The following KCNQ2 variants were observed in gnomAD, a reference collection of about 807,000 sequenced individuals.
The protein encoded by KCNQ2 is potassium voltage-gated channel subfamily KQT member 2.
KCNQ2 carries 14 observed loss-of-function variants against 84.8 expected under a neutral mutation model. The ratio of observed to expected loss-of-function variants is 0.17; its 90% confidence interval spans 0.11 to 0.26. The LOEUF (loss-of-function observed/expected upper bound fraction) is 0.26. KCNQ2 is among the 10% of genes least tolerant of loss of function. KCNQ2 has a pLI of 1.00. For synonymous variants in KCNQ2, 599 were observed against 554.1 expected, an observed-to-expected ratio of 1.08 and a Z score of -1.14; for missense variants, 788 against 1,254.0, an observed-to-expected ratio of 0.63 and a Z score of 5.61.
chr20:63,407,183 T>G lies in KCNQ2; in HGVS notation c.2080A>C (p.Ser694Arg). 1 of 1,605,582 alleles carries G rather than the reference T, an allele frequency of 6.2e-7. No homozygotes were observed. Among genetic ancestry groups the G allele is most frequent in the Non-Finnish European group, 8.5e-7 (1 of 1,178,864 alleles). Reference protein sequence around the residue: ...GCIVKIVRSSSSTGQKNFSAP... With the variant: ...GCIVKIVRSSRSTGQKNFSAP... ...GAGAAGTTCTTCTGGCCCGTGGAGC[T>G]GCTGGAGCGCACGATCTTGACAATG... The change falls in exon 17 of 17, where the codon AGC (serine) becomes CGC (arginine). Residue 694 changes from serine to arginine, a missense_variant. Transcript: ENST00000359125. The surrounding 1 kb of genome is among the most constrained non-coding windows in gnomAD (Gnocchi z 7.2).
intron 4 of KCNQ2, among the ~76,000 whole-genome samples, chr20:63,442,932 T>C (rs62651370): frequency 0.013 from 140 of 10,490 alleles, 1 homozygote; most frequent in African/African-American, 0.036. Context: ...ACCATCACCA[T>C]CACCACCACC....
At chr20:63,436,110 A>G (rs941638967) in intron 7 of KCNQ2, among the ~76,000 whole-genome samples, 4 of 152,158 alleles carry the variant, frequency 2.6e-5, no homozygotes, top group Admixed American at 6.5e-5. Context: ...ATTTGAGAGG[A>G]CTGACTGCGA....
At chr20:63,419,469 A>AG (rs2145586720) in intron 12 of KCNQ2, 150 bp downstream of exon 12, 1 of 727,292 alleles carries the variant, frequency 1.4e-6, no homozygotes, top group East Asian at 2.7e-5. Flanking sequence ...GCTAGAATAG[A>AG]GGGAGCTGAG....
chr20:63,400,497 G>A lies in KCNQ2; in HGVS notation c.*6147C>T. On this transcript the variant is annotated 3_prime_UTR_variant, in exon 17 of 17. Transcript: ENST00000359125. The surrounding 1 kb of genome is among the most constrained non-coding windows in gnomAD (Gnocchi z 8.7). ...ACAAAGTTGAGATTGAAGTGTGCGGGGTAACACATCCACCAAAAAAAGGCC... is the reference window on the plus strand; with the variant it reads ...ACAAAGTTGAGATTGAAGTGTGCGGAGTAACACATCCACCAAAAAAAGGCC... The A allele has an allele frequency of 2.5e-6, 1 of 397,510 alleles. No homozygotes were observed. The highest frequency in any genetic ancestry group is 4.4e-6 in the Non-Finnish European group (1 of 225,878). 24.6% of individuals were successfully genotyped at this position (397,510 alleles called of 1,614,324 possible). A position where few individuals can be genotyped will look rare whatever the true frequency, so the allele number is the denominator to read the frequency against.
chr20:63,415,137 G>A lies in KCNQ2; in HGVS notation c.1302-11C>T, dbSNP rs371007020. 427 of 1,063,474 alleles carry A rather than the reference G, an allele frequency of 4.0e-4. No individual in the cohort carries two copies. Among genetic ancestry groups the A allele is most frequent in the Middle Eastern group, 1.9e-3 (9 of 4,830 alleles). 65.9% of individuals were successfully genotyped at this position (1,063,474 alleles called of 1,614,324 possible). A position where few individuals can be genotyped will look rare whatever the true frequency, so the allele number is the denominator to read the frequency against. ...AAACTGACCTTCTGGCTGCTCCCACGGGAACCGACAGACAGACAGAAAAAC... is the reference window on the plus strand; with the variant it reads ...AAACTGACCTTCTGGCTGCTCCCACAGGAACCGACAGACAGACAGAAAAAC... On this transcript the variant is annotated splice_polypyrimidine_tract_variant and intron_variant, in intron 12 of 16. Coordinates refer to ENST00000359125, the MANE Select transcript of KCNQ2 (RefSeq NM_172107.4).
chr20:63,436,817 C>T (rs1303478861), intron 7 of KCNQ2, among the ~76,000 whole-genome samples: 1 of 119,004 alleles, frequency 8.4e-6, no homozygotes, highest in Non-Finnish European at 1.6e-5. Context: ...CGGGCTGTTT[C>T]CCAGGCTGGA....
Position 63,419,339 on chromosome 20 carries a change from C to G in KCNQ2, c.1301+280G>C. Among the ~76,000 whole-genome samples, 5 of 152,350 alleles carry G rather than the reference C, an allele frequency of 3.3e-5. No homozygotes were observed. In the Middle Eastern group the frequency reaches 0.014, roughly 415 times the overall value. On this transcript the variant is annotated intron_variant, in intron 12 of 16. Transcript: ENST00000359125. ...GAGCAGTCGGGGACCCCAGGAGGCA[C>G]GGACGCCTTGCTGGGTTCAGAGCCC...
At position 63,472,592 on chromosome 20, in the gene KCNQ2, T is replaced by A; in HGVS notation, c.-129A>T. On this transcript the variant is annotated 5_prime_UTR_variant, in exon 1 of 17. Coordinates refer to ENST00000359125, the MANE Select transcript of KCNQ2 (RefSeq NM_172107.4). The stretch of plus-strand genomic sequence containing the variant: ...GGCCGAGGCGGCGGTTCCGCACTCC[T>A]GCCGGGCTTGGGCCGCGCGCGGAGA... The A allele has an allele frequency of 1.3e-6, 1 of 778,330 alleles. No homozygotes were observed. Among genetic ancestry groups the A allele is most frequent in the Non-Finnish European group, 1.6e-6 (1 of 606,212 alleles). The allele number at this position is 778,330 out of a possible 1,614,324, so 48.2% of individuals were successfully genotyped here.
chr20:63,406,451 T>G lies in KCNQ2; in HGVS notation c.*193A>C. On this transcript the variant is annotated 3_prime_UTR_variant, in exon 17 of 17. Transcript: ENST00000359125. ...GCCCTGCCCAGCCCTCCAGCCCCTGTTGGAAAATAACTTTTGTAAAAGGTC... is the reference window on the plus strand; with the variant it reads ...GCCCTGCCCAGCCCTCCAGCCCCTGGTGGAAAATAACTTTTGTAAAAGGTC... The G allele has an allele frequency of 1.5e-6, 1 of 688,236 alleles. No homozygotes were observed. The highest frequency in any genetic ancestry group is 2.0e-5 in the South Asian group (1 of 50,350). The allele number at this position is 688,236 out of a possible 1,614,324, so 42.6% of individuals were successfully genotyped here. A position where few individuals can be genotyped will look rare whatever the true frequency, so the allele number is the denominator to read the frequency against.
intron 4 of KCNQ2, among the ~76,000 whole-genome samples, 200 bp from the exon 5 acceptor site, chr20:63,442,731 C>CCAT (rs2081219305): frequency 7.8e-5 from 3 of 38,626 alleles, no homozygotes; most frequent in Admixed American, 2.5e-4. Context: ...ACCATCATCA[C>CCAT]CACCTCCACC....
At chr20:63,418,377 T>C (rs1255809309) in intron 12 of KCNQ2, among the ~76,000 whole-genome samples, 2 of 152,060 alleles carry the variant, frequency 1.3e-5, no homozygotes, top group Admixed American at 6.5e-5. Context: ...AATGGTGAAA[T>C]TCAGATGTGC....
In KCNQ2 at chr20:63,460,001, G is replaced by A. The variant is rs1440877560; in HGVS notation, c.296+12167C>T. The A allele has an allele frequency of 6.6e-6, 1 of 152,236 alleles. No individual in the cohort carries two copies. Among genetic ancestry groups the A allele is most frequent in the Non-Finnish European group, 1.5e-5 (1 of 68,050 alleles). 9.4% of individuals were successfully genotyped at this position (152,236 alleles called of 1,614,324 possible). ...GTGGACAGGTGCGTTTACACTACAG[G>A]AAGCAGACGGCACCCGGGGACCTTG... is the stretch of plus-strand genomic sequence containing the variant. On this transcript the variant is annotated intron_variant, in intron 1 of 16. Transcript: ENST00000359125. This position sits in a 1 kb window ranked among gnomAD's most constrained non-coding sequence, Gnocchi z 5.4.
At chr20:63,470,638 G>A (rs1399189264) in intron 1 of KCNQ2, among the ~76,000 whole-genome samples, 4 of 152,212 alleles carry the variant, frequency 2.6e-5, no homozygotes, top group South Asian at 2.1e-4. Context: ...GACGCAGAGC[G>A]GGGCGCTGGC....
chr20:63,432,819 T>G (rs11696902), intron 8 of KCNQ2, among the ~76,000 whole-genome samples: 1 of 66,564 alleles, frequency 1.5e-5, no homozygotes. Flanking sequence ...CAGGGAAGGC[T>G]CCACCCTCTG....
intron 8 of KCNQ2, among the ~76,000 whole-genome samples, chr20:63,432,017 C>T: frequency 6.7e-6 from 1 of 149,020 alleles, no homozygotes; most frequent in South Asian, 2.1e-4. Context: ...GCCCCATCCA[C>T]AGGGAAGGCT....
Position 63,401,838 on chromosome 20 carries a change from C to T in KCNQ2, c.*4806G>A. 5.0e-6 allele frequency: 1 copy of T among 198,360 alleles called. No homozygotes were observed. Among genetic ancestry groups the T allele is most frequent in the Non-Finnish European group, 1.1e-5 (1 of 95,136 alleles). 12.3% of individuals were successfully genotyped at this position (198,360 alleles called of 1,614,324 possible). A position where few individuals can be genotyped will look rare whatever the true frequency, so the allele number is the denominator to read the frequency against. On this transcript the variant is annotated 3_prime_UTR_variant, in exon 17 of 17. Coordinates refer to ENST00000359125, the MANE Select transcript of KCNQ2 (RefSeq NM_172107.4). ...TCCCTCTCACACCACGTCTGCTGGG[C>T]ACCCTCCATGGCAGGTCCAAGCCTT...
At chr20:63,455,588 T>A (rs1337712856) in intron 1 of KCNQ2, among the ~76,000 whole-genome samples, 1 of 152,110 alleles carries the variant, frequency 6.6e-6, no homozygotes, top group Non-Finnish European at 1.5e-5. Flanking sequence ...AGAGGAGAAG[T>A]TGGGGCAGGG....
chr20:63,456,940 A>G (rs1165483575), intron 1 of KCNQ2, among the ~76,000 whole-genome samples: 1 of 152,116 alleles, frequency 6.6e-6, no homozygotes, highest in Non-Finnish European at 1.5e-5. Flanking sequence ...GTGAGGCCGG[A>G]GTGGGCACCA....
chr20:63,409,173 G>A (rs1013862850), intron 15 of KCNQ2, among the ~76,000 whole-genome samples: 3 of 152,264 alleles, frequency 2.0e-5, no homozygotes, highest in African/African-American at 7.2e-5. Flanking sequence ...AACCAGAAGA[G>A]GGGAGACAAA....
Sources: allele counts gnomAD v4.1 joint callset (sites outside exome capture counted in the v4.1 genomes callset), GRCh38; gene constraint gnomAD v4.1.1; non-coding constraint Gnocchi (gnomAD v3.1); transcripts MANE v1.5; gene names NCBI Gene and HGNC (gene_info 2026-07-23, HGNC 2026-07-21).